The following CDH18 variants were observed in gnomAD, a reference collection of about 807,000 sequenced individuals.
The protein encoded by CDH18 is cadherin 18.
In CDH18, 31 loss-of-function variants were observed where a neutral mutation model predicts 67.9. The ratio of observed to expected loss-of-function variants is 0.46; its 90% CI spans 0.34 to 0.62. The LOEUF (loss-of-function observed/expected upper bound fraction) is 0.62, where lower values mean the gene tolerates loss of function less well. Ranked by LOEUF, CDH18 falls within the 20% of genes least tolerant of loss-of-function variation. The pLI is 0.01. For missense variants in CDH18, 890 were observed against 975.5 expected (o/e 0.91, Z 1.17); for synonymous variants, 362 against 347.2 (o/e 1.04, Z -0.48).
intron 8 of CDH18, among the ~76,000 whole-genome samples, chr5:19,548,903 T>A (rs347734): frequency 6.6e-6 from 1 of 151,716 alleles, no homozygotes; most frequent in Non-Finnish European, 1.5e-5. Context: ...GCGTTTGCCA[T>A]CATGCCTGGC....
At chr5:19,682,663 T>C (rs536833223) in intron 5 of CDH18, among the ~76,000 whole-genome samples, 17 of 152,204 alleles carry the variant, frequency 1.1e-4, no homozygotes, top group Admixed American at 3.9e-4. Context: ...CTTTTGGTTG[T>C]TGTTGGTCTT....
intron 5 of CDH18, among the ~76,000 whole-genome samples, chr5:19,708,411 T>C (rs984403906): frequency 1.3e-5 from 2 of 152,052 alleles, no homozygotes; most frequent in Admixed American, 6.6e-5. Context: ...AAGTAGCTCA[T>C]GGAGATAAAG....
At chr5:19,919,558 A>G (rs1050220938) in intron 2 of CDH18, among the ~76,000 whole-genome samples, 5 of 152,178 alleles carry the variant, frequency 3.3e-5, no homozygotes, top group Non-Finnish European at 7.3e-5. Context: ...AGGATTGGAG[A>G]ATTGCTTGAT....
intron 10 of CDH18, among the ~76,000 whole-genome samples, chr5:19,514,899 T>A (rs186052783): frequency 1.3e-3 from 194 of 152,342 alleles, no homozygotes; most frequent in East Asian, 2.9e-3. Flanking sequence ...GCTTTTGGTG[T>A]TTTAGTCATG....
intron 2 of CDH18, among the ~76,000 whole-genome samples, chr5:20,024,218 T>C (rs1327815758): frequency 6.6e-6 from 1 of 152,252 alleles, no homozygotes; most frequent in Non-Finnish European, 1.5e-5. Flanking sequence ...AAACATTTCT[T>C]AAAATGTAAA....
intron 3 of CDH18, among the ~76,000 whole-genome samples, chr5:19,795,301 G>T (rs781174783): frequency 6.6e-6 from 1 of 152,166 alleles, no homozygotes; most frequent in Non-Finnish European, 1.5e-5. Context: ...TGACTTCGTG[G>T]TGTCATGATT....
At chr5:19,947,585 CAAAAAAAAAAAAAA>C (rs35601486) in intron 2 of CDH18, among the ~76,000 whole-genome samples, 12,475 of 54,240 alleles carry the variant, frequency 0.23, 1,726 homozygotes, top group African/African-American at 0.45. Context: ...TACTAAAATA[CAAAAAAAAAAAAAA>C]AAAAAAAAAA....
chr5:19,732,402 T>C (rs554860412), intron 4 of CDH18, among the ~76,000 whole-genome samples: 14 of 152,178 alleles, frequency 9.2e-5, no homozygotes, highest in African/African-American at 3.4e-4. Context: ...CAGCAGGCTA[T>C]GATCATGCCA....
rs1737989058 is a variant in CDH18, at chr5:19,473,828, G to A, written c.1883-112C>T. ...CATTCGTCATTAACCACATTCCAGA[G>A]TTAGGCTGGCATTGCAGCACAACTC... is the stretch of plus-strand genomic sequence containing the variant. On this transcript the variant is annotated intron_variant, in intron 12 of 12. Transcript: ENST00000382275. 5.6e-6 allele frequency: 5 copies of A among 893,916 alleles called. No homozygotes were observed. The South Asian group carries it at 8.1e-5, about 14-fold the overall frequency. 55.4% of individuals were successfully genotyped at this position (893,916 alleles called of 1,614,324 possible).
At chr5:20,045,678 G>A (rs1053490249) in intron 2 of CDH18, among the ~76,000 whole-genome samples, 2 of 151,922 alleles carry the variant, frequency 1.3e-5, no homozygotes, top group Non-Finnish European at 2.9e-5. Flanking sequence ...AACTAGCTGG[G>A]ATTGGTATTG....
intron 1 of CDH18, chr5:20,304,781 G>T: frequency 6.2e-7 from 1 of 1,610,938 alleles, no homozygotes; most frequent in Non-Finnish European, 8.5e-7. Context: ...GAGCCAACAA[G>T]GGAAGGAGAC....
intron 2 of CDH18, among the ~76,000 whole-genome samples, chr5:20,143,276 C>T (rs1198628525): frequency 6.6e-6 from 1 of 152,080 alleles, no homozygotes; most frequent in Admixed American, 6.6e-5. Context: ...GTGAACCTTG[C>T]TCAAATAACA....
intron 2 of CDH18, among the ~76,000 whole-genome samples, chr5:20,215,185 T>A (rs910501145): frequency 6.6e-6 from 1 of 151,548 alleles, no homozygotes; most frequent in African/African-American, 2.4e-5. Flanking sequence ...GGTCAAAAAA[T>A]ATCAGACTAG....
intron 1 of CDH18, among the ~76,000 whole-genome samples, chr5:20,495,793 C>CTAGAACTCAGAAAATAAAGTCAAAA (rs1378760416): frequency 4.7e-5 from 7 of 148,298 alleles, no homozygotes; most frequent in Non-Finnish European, 6.1e-5. Flanking sequence ...ATATCGAGTT[C>CTAGAACTCAGAAAATAAAGTCAAAA]TAGAACTCAG....
intron 8 of CDH18, among the ~76,000 whole-genome samples, chr5:19,544,655 T>C (rs1211823727): frequency 7.9e-5 from 12 of 152,206 alleles, no homozygotes; most frequent in Admixed American, 7.9e-4. Context: ...CTTACTTTTG[T>C]AATCAAATGA....
intron 1 of CDH18, among the ~76,000 whole-genome samples, chr5:20,440,459 A>C (rs1203966312): frequency 6.6e-6 from 1 of 151,838 alleles, no homozygotes; most frequent in East Asian, 1.9e-4. Context: ...GTTTGCCTAA[A>C]ATGTATGCAA....
intron 1 of CDH18, among the ~76,000 whole-genome samples, chr5:20,258,180 T>G (rs1298663524): frequency 6.6e-6 from 1 of 152,060 alleles, no homozygotes; most frequent in Non-Finnish European, 1.5e-5. Context: ...AGTTTCTAAT[T>G]GCATTTTTAT....
intron 2 of CDH18, among the ~76,000 whole-genome samples, chr5:19,958,379 CAAAAAAAAAA>C (rs57913629): frequency 1.5e-5 from 1 of 66,634 alleles, no homozygotes; most frequent in Admixed American, 2.0e-4. Context: ...TTTCCTTCAC[CAAAAAAAAAA>C]AAAAAAAAAA....
rs530589121 is a variant in CDH18, at chr5:19,706,105, A to G, written c.643+15242T>C. On this transcript the variant is annotated intron_variant, in intron 5 of 12. Transcript: ENST00000382275. ...TGCTTTTGATATGCATATTAATGTG[A>G]TTTCTGATTCTTCATATGTGGTTCA... is the stretch of plus-strand genomic sequence containing the variant. Among the ~76,000 whole-genome samples the G allele has an allele frequency of 1.6e-4, 24 of 152,236 alleles. No homozygotes were observed. The East Asian group carries it at 2.5e-3, about 16-fold the overall frequency.
Sources: allele counts gnomAD v4.1 joint callset (sites outside exome capture counted in the v4.1 genomes callset), GRCh38; gene constraint gnomAD v4.1.1; transcripts MANE v1.5; gene names NCBI Gene and HGNC (gene_info 2026-07-23, HGNC 2026-07-21).